The following TCF4 variants were observed in gnomAD, a reference collection of about 807,000 sequenced individuals.
The protein encoded by TCF4 is transcription factor 4.
A neutral mutation model predicts 82.1 loss-of-function variants in TCF4; 3 were observed. The observed-to-expected ratio is 0.04, with a 90% CI of 0.02 to 0.09. The LOEUF (loss-of-function observed/expected upper bound fraction) is 0.09, where lower values mean the gene tolerates loss of function less well. Ranked by LOEUF, TCF4 falls within the 10% of genes least tolerant of loss-of-function variation. TCF4 has a pLI of 1.00. For synonymous variants in TCF4, 276 were observed against 309.6 expected (o/e 0.89, Z 1.14); for missense variants, 518 against 852.7 (o/e 0.61, Z 4.89).
intron 8 of TCF4, among the ~76,000 whole-genome samples, chr18:55,289,062 T>C (rs1358004603): frequency 1.3e-5 from 2 of 152,224 alleles, no homozygotes; most frequent in East Asian, 1.9e-4. Flanking sequence ...CAACGTGGTG[T>C]ATCAGACGAA....
intron 3 of TCF4, chr18:55,519,069 A>T (rs1293942803): frequency 6.6e-6 from 1 of 152,212 alleles, no homozygotes; most frequent in Non-Finnish European, 1.5e-5. Context: ...GGACATTATG[A>T]AAGTAAATTA....
intron 6 of TCF4, among the ~76,000 whole-genome samples, chr18:55,384,516 A>T (rs2092398929): frequency 6.6e-6 from 1 of 152,252 alleles, no homozygotes; most frequent in African/African-American, 2.4e-5. Flanking sequence ...AAAAACTGGC[A>T]TAGGGAAAGA....
At chr18:55,631,605 A>G (rs924009877) in intron 1 of TCF4, among the ~76,000 whole-genome samples, 19 of 152,228 alleles carry the variant, frequency 1.2e-4, no homozygotes, top group African/African-American at 4.6e-4. Context: ...CACTTAAAAT[A>G]TATAGCTGAG....
In TCF4 at chr18:55,223,709, CT is replaced by C. The variant is rs369444573; in HGVS notation, c.*4325del. ...TTTTTTTTTTTTTGAAATGTTTTCC[CT>C]TTTTTTTTTTTTAACAATTTTTTTA... is the stretch of plus-strand genomic sequence containing the variant. On this transcript the variant is annotated 3_prime_UTR_variant, in exon 20 of 20. Coordinates refer to ENST00000354452, the MANE Select transcript of TCF4 (RefSeq NM_001083962.2). 0.082 allele frequency: 8,744 copies of C among 106,286 alleles called. 286 individuals are homozygous for C. The highest frequency in any genetic ancestry group is 0.11 in the African/African-American group (2,795 of 24,644). The allele number at this position is 106,286 out of a possible 1,614,324, so 6.6% of individuals were successfully genotyped here.
chr18:55,578,357 A>G (rs2097547532), intron 3 of TCF4, among the ~76,000 whole-genome samples: 1 of 152,142 alleles, frequency 6.6e-6, no homozygotes, highest in South Asian at 2.1e-4. Context: ...GGGTCAGGAC[A>G]TGTGTATTTG....
At chr18:55,244,395 C>T (rs2052382224) in intron 15 of TCF4, among the ~76,000 whole-genome samples, 1 of 152,146 alleles carries the variant, frequency 6.6e-6, no homozygotes, top group South Asian at 2.1e-4. Context: ...ACTAGAGCGC[C>T]TTGGGCTCTT....
intron 3 of TCF4, among the ~76,000 whole-genome samples, chr18:55,525,971 C>T (rs1269892586): frequency 6.6e-6 from 1 of 152,210 alleles, no homozygotes; most frequent in Non-Finnish European, 1.5e-5. Flanking sequence ...TTACCATCAA[C>T]ACCCTTGAGC....
chr18:55,535,150 A>C (rs1171283319), intron 3 of TCF4, among the ~76,000 whole-genome samples: 1 of 152,252 alleles, frequency 6.6e-6, no homozygotes, highest in Non-Finnish European at 1.5e-5. Context: ...ACCACGTGAG[A>C]CACTGTGTTC....
At chr18:55,360,376 T>C (rs933163216) in intron 6 of TCF4, among the ~76,000 whole-genome samples, 24 of 152,258 alleles carry the variant, frequency 1.6e-4, no homozygotes, top group Middle Eastern at 3.4e-3. Flanking sequence ...AAAATTTTGG[T>C]GTGTTTCTTC....
intron 8 of TCF4, chr18:55,332,355 A>G (rs2077743184): frequency 6.6e-6 from 1 of 152,080 alleles, no homozygotes; most frequent in African/African-American, 2.4e-5. Context: ...ATTTTGTTGC[A>G]TTGTTAACAG....
At chr18:55,372,812 C>A (rs542749353) in intron 6 of TCF4, among the ~76,000 whole-genome samples, 4 of 152,112 alleles carry the variant, frequency 2.6e-5, no homozygotes, top group African/African-American at 9.6e-5. Context: ...AAGGGAGAAA[C>A]TCAGTAATTA....
At chr18:55,555,512 T>C (rs1308402641) in intron 3 of TCF4, among the ~76,000 whole-genome samples, 1 of 152,210 alleles carries the variant, frequency 6.6e-6, no homozygotes, top group Non-Finnish European at 1.5e-5. Context: ...GGTGAATAGT[T>C]GATCTGATAG....
intron 8 of TCF4, among the ~76,000 whole-genome samples, chr18:55,294,190 A>T (rs1316354656): frequency 4.0e-5 from 6 of 150,790 alleles, no homozygotes; most frequent in Non-Finnish European, 8.9e-5. Context: ...AACCCAGGAG[A>T]CGGAGGTTGC....
At chr18:55,344,781 G>C (rs1190537364) in intron 8 of TCF4, among the ~76,000 whole-genome samples, 2 of 152,134 alleles carry the variant, frequency 1.3e-5, no homozygotes, top group East Asian at 1.9e-4. Flanking sequence ...GGCCAGGAAG[G>C]CTTCTTTCTG....
chr18:55,228,578 T>A (rs1160826025), intron 18 of TCF4, among the ~76,000 whole-genome samples: 2 of 152,182 alleles, frequency 1.3e-5, no homozygotes, highest in Middle Eastern at 3.2e-3. Context: ...AAGCAAAGGT[T>A]GGTAAAGCAA....
intron 8 of TCF4, among the ~76,000 whole-genome samples, chr18:55,296,104 A>C (rs1295623418): frequency 6.6e-6 from 1 of 151,150 alleles, no homozygotes; most frequent in Non-Finnish European, 1.5e-5. Flanking sequence ...AGTACATTAA[A>C]GTGTTTTTTT....
At chr18:55,401,750 TTG>T in intron 6 of TCF4, 1 of 985,954 alleles carries the variant, frequency 1.0e-6, no homozygotes, top group Non-Finnish European at 1.2e-6. Flanking sequence ...GAGGAAATCT[TTG>T]TGTCTGTGAG....
At chr18:55,514,498 A>C (rs528276576) in intron 3 of TCF4, among the ~76,000 whole-genome samples, 43 of 151,974 alleles carry the variant, frequency 2.8e-4, no homozygotes, top group Non-Finnish European at 3.2e-4. Context: ...AAGGAAAAGT[A>C]AAGGCCTAAA....
At position 55,275,633 on chromosome 18, in the gene TCF4, G is replaced by A. The variant is rs1456263118; in HGVS notation, c.775C>T (p.Pro259Ser). The change falls in exon 10 of 20, where the codon CCA becomes TCA. Residue 259 changes from proline to serine, a missense_variant. Physicochemically the swap from Pro to Ser is moderately conservative, Grantham distance 74. Transcript: ENST00000354452. Reference protein sequence around the residue: ...PQSSSYCSLHPHERLSYPSHS... With the variant: ...PQSSSYCSLHSHERLSYPSHS... ...GTCTGCCTTACCAAACGTTCATGTG[G>A]ATGCAGGCTACAGTAGCTGCTGGAC... The A allele has an allele frequency of 2.5e-6, 4 of 1,613,680 alleles. No homozygotes were observed. Among genetic ancestry groups the A allele is most frequent in the Non-Finnish European group, 2.5e-6 (3 of 1,179,786 alleles).
Sources: gnomAD v4.1 joint callset for allele counts (sites outside exome capture counted in the v4.1 genomes callset) on GRCh38, gnomAD v4.1.1 for gene constraint, MANE v1.5 for transcripts, NCBI Gene and HGNC (gene_info 2026-07-23, HGNC 2026-07-21) for gene names.